GALNT15: variants seen among roughly 807,000 people sequenced by gnomAD.
The protein encoded by GALNT15 is UDP-GalNAc transferase T15.
In GALNT15, 67 loss-of-function variants were observed where a neutral mutation model predicts 66.8. That is an observed-to-expected ratio of 1.00 (90% CI 0.82 to 1.23). The LOEUF (loss-of-function observed/expected upper bound fraction) is 1.23. Among genes scored for constraint, GALNT15 ranks in the 50% most tolerant of loss-of-function variants. The probability of loss-of-function intolerance (pLI) is 0.00; values close to 1 mark genes in which losing one functional copy is unlikely to be tolerated. For synonymous variants in GALNT15, 313 were observed against 311.5 expected (o/e 1.00, Z -0.05); for missense variants, 827 against 804.3 (o/e 1.03, Z -0.34).
In GALNT15 at chr3:16,211,046, G is replaced by A; in HGVS notation, c.1080-78G>A. On this transcript the variant is annotated intron_variant, in intron 4 of 9. Transcript: ENST00000339732. The surrounding 1 kb of genome is among the most constrained non-coding windows in gnomAD (Gnocchi z 4.3). ...CTCTCAGCCACTGGAGCTCCCACCT[G>A]GGAAGCCCCAGCCCCCAGCCTCGCC... 1 of 1,023,650 alleles carries A rather than the reference G, an allele frequency of 9.8e-7. No individual in the cohort carries two copies. Among genetic ancestry groups the A allele is most frequent in the Non-Finnish European group, 1.5e-6 (1 of 654,566 alleles). 63.4% of individuals were successfully genotyped at this position (1,023,650 alleles called of 1,614,324 possible). A position where few individuals can be genotyped will look rare whatever the true frequency, so the allele number is the denominator to read the frequency against.
In GALNT15 at chr3:16,175,453, T is replaced by C; in HGVS notation, c.302T>C (p.Leu101Ser). 6.2e-7 allele frequency: 1 copy of C among 1,614,158 alleles called. No individual in the cohort carries two copies. Among genetic ancestry groups the C allele is most frequent in the Non-Finnish European group, 8.5e-7 (1 of 1,180,016 alleles). Residue 101 changes from leucine to serine, a missense_variant, in exon 1 of 10, where the codon TTA becomes TCA. Leu to Ser is a moderately radical substitution (Grantham distance 145). Transcript: ENST00000339732. This position sits in a 1 kb window ranked among gnomAD's most constrained non-coding sequence, Gnocchi z 5.6. ...GATCAGCTGCTGGTGGCCGTGGCCT[T>C]ACCCCAGGCCAGAAGGAACCAGAGC... is the stretch of plus-strand genomic sequence containing the variant. ...REDQLLVAVA[L>S]PQARRNQSQG...
chr3:16,229,228 G>T lies in GALNT15; in HGVS notation c.*1728G>T, dbSNP rs188475634. The T allele has an allele frequency of 2.0e-6, 2 of 985,268 alleles. No individual in the cohort carries two copies. The highest frequency in any genetic ancestry group is 2.4e-6 in the Non-Finnish European group (2 of 829,842). The allele number at this position is 985,268 out of a possible 1,614,324, so 61.0% of individuals were successfully genotyped here. On this transcript the variant is annotated 3_prime_UTR_variant, in exon 10 of 10. Coordinates refer to ENST00000339732, the MANE Select transcript of GALNT15 (RefSeq NM_054110.5). ...TTCATTGTCTACCTGCTAAGTCAAG[G>T]GTTCACTGCATTTCTCCTTCCTCAG...
intron 1 of GALNT15, among the ~76,000 whole-genome samples, chr3:16,185,769 A>AGATAGATAGATAGATAGAT (rs1553683398): frequency 2.5e-4 from 38 of 152,106 alleles, no homozygotes; most frequent in African/African-American, 9.2e-4. Flanking sequence ...ATAGATAGAT[A>AGATAGATAGATAGATAGAT]GATAGATAGA....
Position 16,175,840 on chromosome 3 carries a change from C to A in GALNT15, c.539+150C>A. The stretch of plus-strand genomic sequence containing the variant: ...GTACCTGGGCCAGCAGCGTCAGCAG[C>A]CCCTGGGCACTGGTGGGTTCTCAGA... On this transcript the variant is annotated intron_variant, in intron 1 of 9. Coordinates refer to ENST00000339732, the MANE Select transcript of GALNT15 (RefSeq NM_054110.5). This position sits in a 1 kb window ranked among gnomAD's most constrained non-coding sequence, Gnocchi z 5.6. 3 of 688,938 alleles carry A rather than the reference C, an allele frequency of 4.4e-6. No individual in the cohort carries two copies. Among genetic ancestry groups the A allele is most frequent in the Middle Eastern group, 4.1e-4 (1 of 2,418 alleles). The allele number at this position is 688,938 out of a possible 1,614,324, so 42.7% of individuals were successfully genotyped here.
the GALNT15 span, among the ~76,000 whole-genome samples, chr3:16,243,595 C>T: frequency 1.3e-5 from 2 of 152,166 alleles, no homozygotes; most frequent in Non-Finnish European, 2.9e-5. Flanking sequence ...ACATGAGGAA[C>T]CATGGGTGTC....
intron 6 of GALNT15, among the ~76,000 whole-genome samples, chr3:16,218,293 C>T (rs1026263589): frequency 6.6e-6 from 1 of 152,136 alleles, no homozygotes; most frequent in African/African-American, 2.4e-5. Context: ...GATTGGAGGC[C>T]ACCAAGTGGG....
Position 16,176,673 on chromosome 3 carries a change from G to A in GALNT15, c.539+983G>A, listed in dbSNP as rs2063413248. On this transcript the variant is annotated intron_variant, in intron 1 of 9. Coordinates refer to ENST00000339732, the MANE Select transcript of GALNT15 (RefSeq NM_054110.5). The surrounding 1 kb of genome is among the most constrained non-coding windows in gnomAD (Gnocchi z 5.6). ...TGGTTACCAGCATCCAGGGAGCAAG[G>A]CAGCTTGTTAGTTTTAGTTTGGTGA... Among the ~76,000 whole-genome samples, 3 of 152,202 alleles carry A rather than the reference G, an allele frequency of 2.0e-5. No homozygotes were observed. Among genetic ancestry groups the A allele is most frequent in the Admixed American group, 2.0e-4 (3 of 15,280 alleles).
At chr3:16,236,101 T>C (rs1263033107), downstream of GALNT15, among the ~76,000 whole-genome samples, 1 of 4,500 alleles carries the variant, frequency 2.2e-4, no homozygotes, top group Non-Finnish European at 5.7e-4. Flanking sequence ...CAAGACTATG[T>C]CTCAAAAAAA....
rs1466757733 is a variant in GALNT15 at position 16,219,027 on chromosome 3, GCTGGTCT to G, written c.1393-375_1393-369del. Among the ~76,000 whole-genome samples the G allele has an allele frequency of 6.6e-6, 1 of 152,002 alleles. No homozygotes were observed. Among genetic ancestry groups the G allele is most frequent in the Non-Finnish European group, 1.5e-5 (1 of 68,006 alleles). On this transcript the variant is annotated intron_variant, in intron 6 of 9. Transcript: ENST00000339732. The surrounding 1 kb of genome is among the most constrained non-coding windows in gnomAD (Gnocchi z 4.3). Reference sequence around the variant, plus strand: ...GATGGGGTTTCACCATGTTGGCCAGGCTGGTCTTGAACTCCTGACCTCAAGTGATCCA... The same window carrying G: ...GATGGGGTTTCACCATGTTGGCCAGGTGAACTCCTGACCTCAAGTGATCCA...
chr3:16,185,900 C>T (rs755130100), intron 1 of GALNT15, among the ~76,000 whole-genome samples: 12 of 152,062 alleles, frequency 7.9e-5, no homozygotes, highest in African/African-American at 1.2e-4. Flanking sequence ...AAAGTGTGTC[C>T]ATGATCTAGT....
chr3:16,245,758 G>A, the GALNT15 span, among the ~76,000 whole-genome samples: 1 of 152,206 alleles, frequency 6.6e-6, no homozygotes, highest in African/African-American at 2.4e-5. Context: ...TCTTCCACAT[G>A]GAGGACTGTA....
In GALNT15 at chr3:16,203,634, G is replaced by C. The variant is rs986896911; in HGVS notation, c.911+2811G>C. On this transcript the variant is annotated intron_variant, in intron 3 of 9. Coordinates refer to ENST00000339732, the MANE Select transcript of GALNT15 (RefSeq NM_054110.5). The surrounding 1 kb of genome is among the most constrained non-coding windows in gnomAD (Gnocchi z 6.2). ...GTGTTACTGGCTTGCCTTCCTCTTT[G>C]GGTTCCATCTCTTCTGCGTGATGTG... Among the ~76,000 whole-genome samples the C allele has an allele frequency of 4.0e-5, 6 of 150,150 alleles. No homozygotes were observed. Among genetic ancestry groups the C allele is most frequent in the Non-Finnish European group, 7.4e-5 (5 of 67,782 alleles).
downstream of GALNT15, chr3:16,231,858 T>G (rs1292152271): frequency 5.9e-6 from 9 of 1,536,312 alleles, no homozygotes; most frequent in Non-Finnish European, 7.8e-6. This position sits in a 1 kb window ranked among gnomAD's most constrained non-coding sequence, Gnocchi z 4.1. Context: ...TTCAGCAGAT[T>G]GTGAACAATG....
At chr3:16,233,584 C>G (rs148339117), downstream of GALNT15, among the ~76,000 whole-genome samples, 238 of 152,158 alleles carry the variant, frequency 1.6e-3, 2 homozygotes, top group Admixed American at 0.012. Context: ...CTTTCTTTAT[C>G]TTTCCCCAAC....
intron 3 of GALNT15, among the ~76,000 whole-genome samples, chr3:16,205,375 C>T (rs955773): frequency 6.6e-6 from 1 of 152,300 alleles, no homozygotes; most frequent in East Asian, 1.9e-4. Flanking sequence ...ACAGTTAGCT[C>T]TTGAATATCT....
intron 4 of GALNT15, among the ~76,000 whole-genome samples, chr3:16,208,971 C>G (rs765349438): frequency 2.0e-5 from 3 of 152,172 alleles, no homozygotes; most frequent in Admixed American, 6.5e-5. Context: ...ACAGGGTCTT[C>G]CAGATAGCAT....
intron 6 of GALNT15, 50 bp downstream of exon 6, chr3:16,212,813 C>G: frequency 6.5e-7 from 1 of 1,529,334 alleles, no homozygotes; most frequent in East Asian, 2.3e-5. Context: ...GGGCCACTAG[C>G]AGGAGGTGGG....
chr3:16,192,032 A>G (rs1443631391), intron 1 of GALNT15, among the ~76,000 whole-genome samples: 1 of 152,196 alleles, frequency 6.6e-6, no homozygotes, highest in East Asian at 1.9e-4. Flanking sequence ...CTAAAGGGTA[A>G]TTATGGTTAC....
rs780350445 is a variant in GALNT15 at position 16,219,950 on chromosome 3, CAGA to C, written c.1568_1570del (p.Glu523del). 6.7e-5 allele frequency: 108 copies of C among 1,614,082 alleles called. No individual in the cohort carries two copies. The highest frequency in any genetic ancestry group is 9.0e-5 in the Non-Finnish European group (106 of 1,180,046). ...CTTGGGCTCTGTGCAGACTGCCAGGCAGAAGGGGACATCCTGGGCTGTCCCATG... is the reference window on the plus strand; with the variant it reads ...CTTGGGCTCTGTGCAGACTGCCAGGCAGGGGACATCCTGGGCTGTCCCATG... On this transcript the variant is annotated inframe_deletion, in exon 8 of 10. Coordinates refer to ENST00000339732, the MANE Select transcript of GALNT15 (RefSeq NM_054110.5). This position sits in a 1 kb window ranked among gnomAD's most constrained non-coding sequence, Gnocchi z 4.3.
Sources: allele counts gnomAD v4.1 joint callset (sites outside exome capture counted in the v4.1 genomes callset), GRCh38; gene constraint gnomAD v4.1.1; non-coding constraint Gnocchi (gnomAD v3.1); transcripts MANE v1.5; gene names NCBI Gene and HGNC (gene_info 2026-07-23, HGNC 2026-07-21).